Variants in NPTN observed in about 807,000 individuals in gnomAD.
NPTN encodes the protein neuroplastin.
In NPTN, 5 loss-of-function variants were observed where a neutral mutation model predicts 42.7. The observed-to-expected ratio is 0.12, with a 90% CI of 0.06 to 0.25. NPTN has a LOEUF of 0.25. Ranked by LOEUF, NPTN falls within the 10% of genes least tolerant of loss-of-function variation. The probability of loss-of-function intolerance (pLI) is 1.00; values close to 1 mark genes in which losing one functional copy is unlikely to be tolerated. For missense variants in NPTN, 307 were observed against 525.4 expected, an observed-to-expected ratio of 0.58 and a Z score of 4.06; for synonymous variants, 180 against 201.9, an observed-to-expected ratio of 0.89 and a Z score of 0.92.
At position 73,581,703 on chromosome 15, in the gene NPTN, C is replaced by A. The variant is rs116759883; in HGVS notation, c.706+5821G>T. On this transcript the variant is annotated intron_variant, in intron 4 of 8. Transcript: ENST00000345330. The stretch of plus-strand genomic sequence containing the variant: ...GCAAAGGGTCAGCTTCTAGGCCAGG[C>A]TGGATGCTGTAGAAACTGTCAACTC... Among the ~76,000 whole-genome samples, 1,510 of 152,260 alleles carry A rather than the reference C, an allele frequency of 9.9e-3. 26 individuals carry two copies. The highest frequency in any genetic ancestry group is 0.035 in the African/African-American group (1,435 of 41,530).
At chr15:73,576,024 G>C (rs1895675524) in intron 4 of NPTN, among the ~76,000 whole-genome samples, 1 of 152,188 alleles carries the variant, frequency 6.6e-6, no homozygotes, top group African/African-American at 2.4e-5. Flanking sequence ...CAGCTACTCA[G>C]TCACTTCTTA....
chr15:73,614,390 C>T (rs1378339890), intron 1 of NPTN, among the ~76,000 whole-genome samples: 1 of 152,016 alleles, frequency 6.6e-6, no homozygotes, highest in Non-Finnish European at 1.5e-5. Context: ...AAACCTGAAA[C>T]CTCAGTTCCC....
chr15:73,594,061 AAGAT>A (rs949041104), intron 2 of NPTN, among the ~76,000 whole-genome samples: 3 of 152,186 alleles, frequency 2.0e-5, no homozygotes, highest in Non-Finnish European at 2.9e-5. Context: ...AAAAGAGAAA[AAGAT>A]AGAACCAGTA....
intron 1 of NPTN, among the ~76,000 whole-genome samples, chr15:73,617,690 C>T (rs1342146772): frequency 6.6e-6 from 1 of 152,174 alleles, no homozygotes; most frequent in East Asian, 1.9e-4. Context: ...GGTAAGGTGA[C>T]ACTCTACTAA....
chr15:73,590,738 G>T (rs1352152168), intron 3 of NPTN, among the ~76,000 whole-genome samples: 1 of 152,122 alleles, frequency 6.6e-6, no homozygotes, highest in Non-Finnish European at 1.5e-5. Context: ...CTCCAGCCCG[G>T]GAGGCAGAAC....
intron 1 of NPTN, among the ~76,000 whole-genome samples, chr15:73,609,369 G>A (rs1595951626): frequency 6.6e-6 from 1 of 152,142 alleles, no homozygotes; most frequent in Non-Finnish European, 1.5e-5. Flanking sequence ...AGTGGCTCAC[G>A]CCTGTAATCC....
rs549287393 is a variant in NPTN at position 73,569,257 on chromosome 15, A to T, written c.1114+893T>A. On this transcript the variant is annotated intron_variant, in intron 6 of 8. Coordinates refer to ENST00000345330, the MANE Select transcript of NPTN (RefSeq NM_012428.4). The surrounding 1 kb of genome is among the most constrained non-coding windows in gnomAD (Gnocchi z 4.1). ...CAGCTGGGAACCTGAAGTACTGCAG[A>T]TACAAGTCTCCATCAGCAGCTTCCC... is the stretch of plus-strand genomic sequence containing the variant. 4.1e-6 allele frequency: 4 copies of T among 985,524 alleles called. No homozygotes were observed. In the African/African-American group the frequency reaches 7.0e-5, roughly 17 times the overall value. 61.0% of individuals were successfully genotyped at this position (985,524 alleles called of 1,614,324 possible).
intron 2 of NPTN, among the ~76,000 whole-genome samples, chr15:73,593,524 C>T (rs753023041): frequency 1.1e-4 from 16 of 152,152 alleles, no homozygotes; most frequent in Non-Finnish European, 1.5e-4. Context: ...CAGTATTGTG[C>T]TGAGCCTTAA....
At chr15:73,587,499 C>T (rs1176235641) in intron 4 of NPTN, 25 bp downstream of exon 4, 15 of 1,557,898 alleles carry the variant, frequency 9.6e-6, no homozygotes, top group Non-Finnish European at 1.3e-5. Context: ...GAGAGGCTCA[C>T]ACCACAGCCT....
chr15:73,590,794 T>C (rs1313804422), intron 3 of NPTN, among the ~76,000 whole-genome samples: 2 of 151,976 alleles, frequency 1.3e-5, no homozygotes, highest in Admixed American at 6.6e-5. Flanking sequence ...AAATCAAGTC[T>C]GTAAAACTAA....
chr15:73,602,704 C>T (rs906422498), intron 1 of NPTN, among the ~76,000 whole-genome samples: 6 of 152,162 alleles, frequency 3.9e-5, no homozygotes, highest in Admixed American at 3.3e-4. Context: ...GGCTTGAAGT[C>T]CTGGGAGCAG....
Position 73,563,297 on chromosome 15 carries a change from A to G in NPTN, c.1115-40T>C, listed in dbSNP as rs145187394. ...GTTTTTTAAAAATCCATGAGAGATA[A>G]GAGAAGAAAGGAGAAAACTGTTAGA... On this transcript the variant is annotated intron_variant, in intron 6 of 8. Transcript: ENST00000345330. 1.9e-3 allele frequency: 3,055 copies of G among 1,610,424 alleles called. 56 individuals carry two copies. The African/African-American group carries it at 0.035, about 19-fold the overall frequency.
At chr15:73,632,926 G>T in intron 1 of NPTN, 199 bp downstream of exon 1, 1 of 420,702 alleles carries the variant, frequency 2.4e-6, no homozygotes, top group Non-Finnish European at 4.2e-6. Context: ...CGCCCCCGCC[G>T]CTCGGATAGG....
chr15:73,567,328 A>T lies in NPTN; in HGVS notation c.1114+2822T>A, dbSNP rs895959670. The T allele has an allele frequency of 8.1e-6, 8 of 985,308 alleles. No individual in the cohort carries two copies. The African/African-American group carries it at 1.0e-4, about 13-fold the overall frequency. The allele number at this position is 985,308 out of a possible 1,614,324, so 61.0% of individuals were successfully genotyped here. The stretch of plus-strand genomic sequence containing the variant: ...AGAAGTATGGCAGGCCTATAAAAAA[A>T]TTCCCATTTTCCTAATGGTATAAAA... On this transcript the variant is annotated intron_variant, in intron 6 of 8. Coordinates refer to ENST00000345330, the MANE Select transcript of NPTN (RefSeq NM_012428.4).
intron 6 of NPTN, among the ~76,000 whole-genome samples, chr15:73,565,412 C>A (rs974628768): frequency 6.6e-6 from 1 of 152,200 alleles, no homozygotes; most frequent in Non-Finnish European, 1.5e-5. Flanking sequence ...AAACAGCAAA[C>A]TGAAATCCAA....
intron 4 of NPTN, among the ~76,000 whole-genome samples, chr15:73,577,012 T>C (rs1178623913): frequency 1.3e-5 from 2 of 152,260 alleles, no homozygotes; most frequent in Non-Finnish European, 2.9e-5. Flanking sequence ...TTCTGCAGTT[T>C]AGATGAAATT....
In NPTN at chr15:73,569,110, G is replaced by C; in HGVS notation, c.1114+1040C>G. 2.0e-6 allele frequency: 2 copies of C among 985,758 alleles called. No individual in the cohort carries two copies. The highest frequency in any genetic ancestry group is 2.4e-6 in the Non-Finnish European group (2 of 830,178). 61.1% of individuals were successfully genotyped at this position (985,758 alleles called of 1,614,324 possible). On this transcript the variant is annotated intron_variant, in intron 6 of 8. Transcript: ENST00000345330. This position sits in a 1 kb window ranked among gnomAD's most constrained non-coding sequence, Gnocchi z 4.1. ...GCAACCCCACCATCACCCCGGGTAG[G>C]CTACCACTGAGCCCAGGGGCACACC...
At chr15:73,630,561 T>G (rs758345531) in intron 1 of NPTN, among the ~76,000 whole-genome samples, 54 of 152,254 alleles carry the variant, frequency 3.5e-4, no homozygotes, top group Non-Finnish European at 6.5e-4. Context: ...TCACTGGAGC[T>G]TCAAGAGACC....
intron 4 of NPTN, among the ~76,000 whole-genome samples, chr15:73,574,208 C>T (rs571521305): frequency 6.6e-6 from 1 of 152,210 alleles, no homozygotes; most frequent in Non-Finnish European, 1.5e-5. Context: ...AAATATCACA[C>T]ATTCCCTTAA....
Sources: allele counts gnomAD v4.1 joint callset (sites outside exome capture counted in the v4.1 genomes callset), GRCh38; gene constraint gnomAD v4.1.1; non-coding constraint Gnocchi (gnomAD v3.1); transcripts MANE v1.5; gene names NCBI Gene and HGNC (gene_info 2026-07-23, HGNC 2026-07-21).